ATP2B2: variants seen among roughly 807,000 people sequenced by gnomAD.
ATP2B2 encodes plasma membrane calcium-transporting ATPase 2.
ATP2B2 carries 15 observed loss-of-function variants against 120.0 expected under a neutral mutation model. The observed-to-expected ratio is 0.12, with a 90% confidence interval of 0.08 to 0.19. ATP2B2 has a LOEUF of 0.19. Ranked by LOEUF, ATP2B2 falls within the 10% of genes least tolerant of loss-of-function variation. The probability of loss-of-function intolerance (pLI) is 1.00; values close to 1 mark genes in which losing one functional copy is unlikely to be tolerated. For synonymous variants in ATP2B2, 694 were observed against 700.3 expected (o/e 0.99, Z 0.14); for missense variants, 1,045 against 1,719.8 (o/e 0.61, Z 6.94).
At chr3:10,397,579 C>A (rs535064419) in intron 5 of ATP2B2, among the ~76,000 whole-genome samples, 23 of 152,068 alleles carry the variant, frequency 1.5e-4, no homozygotes, top group Non-Finnish European at 2.8e-4. Flanking sequence ...GGGGCTTGAG[C>A]AGATGGAAAA....
rs776635799 is a variant in ATP2B2 at position 10,410,678 on chromosome 3, T to C, written c.337A>G (p.Ile113Val). Residue 113 changes from isoleucine (I) to valine (V), a missense_variant, in exon 3 of 23, where the codon ATT becomes GTT. By Grantham distance (29) the Ile-to-Val change is conservative (BLOSUM62 3). This residue lies in a region of ATP2B2 where 7 missense variants were observed against 26.0 expected (regional missense o/e 0.27). Transcript: ENST00000360273. ...LQDVTLIILE[I>V]AAIISLGLSF... Reference sequence around the variant, plus strand: ...AGCCCCAGGGAGATGATGGCGGCAATCTCCAGGATGATGAGCGTCACGTCC... The same window carrying C: ...AGCCCCAGGGAGATGATGGCGGCAACCTCCAGGATGATGAGCGTCACGTCC... 1.9e-6 allele frequency: 3 copies of C among 1,614,004 alleles called. No homozygotes were observed. The highest frequency in any genetic ancestry group is 2.5e-6 in the Non-Finnish European group (3 of 1,179,924).
At chr3:10,627,327 A>G (rs1025082701) in intron 1 of ATP2B2, among the ~76,000 whole-genome samples, 11 of 152,348 alleles carry the variant, frequency 7.2e-5, no homozygotes, top group African/African-American at 2.6e-4. Flanking sequence ...GCTTATGGAA[A>G]GGAGAGAATA....
chr3:10,545,023 G>A (rs73028978), intron 2 of ATP2B2, among the ~76,000 whole-genome samples: 9,902 of 152,112 alleles, frequency 0.065, 381 homozygotes, highest in East Asian at 0.14. Context: ...CTGTAATATC[G>A]TCATGGCAGG....
intron 1 of ATP2B2, among the ~76,000 whole-genome samples, chr3:10,492,240 C>T (rs540041260): frequency 6.7e-6 from 1 of 148,442 alleles, no homozygotes; most frequent in Admixed American, 6.8e-5. Flanking sequence ...AAGCTGGGGG[C>T]TTTTCGGGGG....
Position 10,449,784 on chromosome 3 carries a change from G to C in ATP2B2, c.-241C>G. ...CCAGGGGCCGGAGGGGCTCAGGGCT[G>C]TAGACCCAGGAGTCTCCATTCAGTG... On this transcript the variant is annotated 5_prime_UTR_variant, in exon 2 of 23. Coordinates refer to ENST00000360273, the MANE Select transcript of ATP2B2 (RefSeq NM_001001331.4). 1.7e-6 allele frequency: 1 copy of C among 581,474 alleles called. No homozygotes were observed. Among genetic ancestry groups the C allele is most frequent in the South Asian group, 1.9e-5 (1 of 52,484 alleles). 36.0% of individuals were successfully genotyped at this position (581,474 alleles called of 1,614,324 possible).
rs933404005 is a variant in ATP2B2, at chr3:10,403,000, C to T, written c.398-652G>A. ...TTTAGGGTCTGAAAAGGCAGTTTGC[C>T]GCTGTCCTCTTCTTCTGTTGGAGTC... On this transcript the variant is annotated intron_variant, in intron 3 of 22. Transcript: ENST00000360273. The surrounding 1 kb of genome is among the most constrained non-coding windows in gnomAD (Gnocchi z 4.9). Among the ~76,000 whole-genome samples, 1 of 152,076 alleles carries T rather than the reference C, an allele frequency of 6.6e-6. No individual in the cohort carries two copies. The highest frequency in any genetic ancestry group is 1.5e-5 in the Non-Finnish European group (1 of 68,034).
rs538246881 is a variant in ATP2B2 at position 10,452,025 on chromosome 3, A to G, written c.-319-2163T>C. Among the ~76,000 whole-genome samples, 26 of 152,394 alleles carry G rather than the reference A, an allele frequency of 1.7e-4. No individual in the cohort carries two copies. The South Asian group carries it at 3.3e-3, about 19-fold the overall frequency. ...TACCTAGTAAACAATTGTTAAATGA[A>G]TAAGTGAATGAATGAAAAGCAAACA... On this transcript the variant is annotated intron_variant, in intron 1 of 22. Coordinates refer to ENST00000360273, the MANE Select transcript of ATP2B2 (RefSeq NM_001001331.4).
intron 16 of ATP2B2, 150 bp downstream of exon 16, chr3:10,349,962 G>A: frequency 1.3e-6 from 1 of 754,678 alleles, no homozygotes; most frequent in South Asian, 1.8e-5. Context: ...GGGCTGAAAA[G>A]GGGGTGACAT....
intron 1 of ATP2B2, among the ~76,000 whole-genome samples, chr3:10,646,778 T>C (rs2070332019): frequency 6.6e-6 from 1 of 152,190 alleles, no homozygotes; most frequent in African/African-American, 2.4e-5. Context: ...TCAATCATTG[T>C]GTGTTTATTG....
intron 3 of ATP2B2, among the ~76,000 whole-genome samples, chr3:10,525,906 T>A (rs1263356921): frequency 6.6e-6 from 1 of 152,216 alleles, no homozygotes; most frequent in African/African-American, 2.4e-5. Context: ...TTGTTTTGTA[T>A]CATCTGCTTC....
chr3:10,371,360 G>C (rs967547007), intron 12 of ATP2B2, among the ~76,000 whole-genome samples: 4 of 152,224 alleles, frequency 2.6e-5, no homozygotes, highest in African/African-American at 7.2e-5. Flanking sequence ...CAAGATCAGA[G>C]GAGATGTCCA....
chr3:10,386,678 T>C (rs918170046), intron 6 of ATP2B2, among the ~76,000 whole-genome samples, 166 bp from the exon 7 acceptor site: 2 of 152,152 alleles, frequency 1.3e-5, no homozygotes, highest in African/African-American at 4.8e-5. Flanking sequence ...ATGTTCCTAG[T>C]GGAGGTGATG....
chr3:10,412,218 C>T (rs2062634661), intron 2 of ATP2B2, among the ~76,000 whole-genome samples: 1 of 152,224 alleles, frequency 6.6e-6, no homozygotes, highest in South Asian at 2.1e-4. Context: ...TCCTAAACTC[C>T]CTGGTACTGG....
intron 2 of ATP2B2, among the ~76,000 whole-genome samples, chr3:10,445,991 C>T (rs2063824443): frequency 6.6e-6 from 1 of 152,190 alleles, no homozygotes; most frequent in South Asian, 2.1e-4. Flanking sequence ...CAGGCCTTGT[C>T]CTACAGTGGA....
rs1575609227 is a variant in ATP2B2 at position 10,670,705 on chromosome 3, G to T, written c.-460+37210C>A. Among the ~76,000 whole-genome samples the T allele has an allele frequency of 2.0e-5, 3 of 152,328 alleles. No homozygotes were observed. The South Asian group carries it at 6.2e-4, about 32-fold the overall frequency. ...CAAAGTGCTGGGATTATAGGTGTGA[G>T]CCACGGGGCCCGGCCCTGATATTAG... On this transcript the variant is annotated intron_variant, in intron 1 of 21. Coordinates refer to the ATP2B2 transcript ENST00000646379.
At chr3:10,675,425 C>A (rs2071216472) in intron 1 of ATP2B2, among the ~76,000 whole-genome samples, 1 of 152,208 alleles carries the variant, frequency 6.6e-6, no homozygotes, top group Non-Finnish European at 1.5e-5. Context: ...ATCTGTGGTT[C>A]ATACAATTTC....
At chr3:10,509,707 G>A (rs914096754), upstream of ATP2B2, among the ~76,000 whole-genome samples, 3 of 152,276 alleles carry the variant, frequency 2.0e-5, no homozygotes, top group Non-Finnish European at 2.9e-5. Context: ...GACCACACGG[G>A]CTGGCTTGCC....
rs201144660 is a variant in ATP2B2, at chr3:10,340,449, C to T, written c.3129+44G>A. 4 of 1,614,036 alleles carry T rather than the reference C, an allele frequency of 2.5e-6. No individual in the cohort carries two copies. The East Asian group carries it at 6.7e-5, about 27-fold the overall frequency. ...GGGTCCTGCCCAGGGGCTCCAGCCG[C>T]TTGCTGCCCACCCCGGGCCTGGTTA... On this transcript the variant is annotated intron_variant, in intron 20 of 22. Coordinates refer to ENST00000360273, the MANE Select transcript of ATP2B2 (RefSeq NM_001001331.4). This position sits in a 1 kb window ranked among gnomAD's most constrained non-coding sequence, Gnocchi z 5.0.
chr3:10,447,836 C>T (rs1295168844), intron 2 of ATP2B2, among the ~76,000 whole-genome samples: 3 of 152,238 alleles, frequency 2.0e-5, no homozygotes, highest in Non-Finnish European at 4.4e-5. Context: ...TCTATTCCCA[C>T]CCTCCCTGCC....
Sources: gnomAD v4.1 joint callset for allele counts (sites outside exome capture counted in the v4.1 genomes callset) on GRCh38, gnomAD v4.1.1 for gene constraint, gnomAD v4.1.1 regional missense constraint, Gnocchi (gnomAD v3.1) non-coding constraint, MANE v1.5 for transcripts, NCBI Gene and HGNC (gene_info 2026-07-23, HGNC 2026-07-21) for gene names.